The following TMEM272 variants were observed in gnomAD, a reference collection of about 807,000 sequenced individuals.
The protein encoded by TMEM272 is long intergenic non-protein coding RNA 282.
In TMEM272, 8 loss-of-function variants were observed where a neutral mutation model predicts 3.7. The ratio of observed to expected loss-of-function variants is 2.17; its 90% CI spans 1.27 to 3.91. The LOEUF (loss-of-function observed/expected upper bound fraction) is 3.91. Among genes scored for constraint, TMEM272 ranks in the 30% most tolerant of loss-of-function variants. The probability of loss-of-function intolerance (pLI) is 0.00; values close to 1 mark genes in which losing one functional copy is unlikely to be tolerated. For synonymous variants in TMEM272, 63 were observed against 39.8 expected, an observed-to-expected ratio of 1.58 and a Z score of -2.20; for missense variants, 166 against 91.5, an observed-to-expected ratio of 1.81 and a Z score of -3.32.
the TMEM272 span, among the ~76,000 whole-genome samples, chr13:51,903,111 C>G: frequency 6.6e-6 from 1 of 152,210 alleles, no homozygotes; most frequent in African/African-American, 2.4e-5. Flanking sequence ...TGTACACAAA[C>G]ACAATTGTGG....
chr13:51,926,979 A>C, the TMEM272 span, among the ~76,000 whole-genome samples: 1 of 152,134 alleles, frequency 6.6e-6, no homozygotes, highest in East Asian at 1.9e-4. Flanking sequence ...TTTAAGGGGA[A>C]AACAAAGCCC....
the TMEM272 span, among the ~76,000 whole-genome samples, chr13:51,912,071 G>T: frequency 1.2e-4 from 18 of 152,234 alleles, no homozygotes; most frequent in South Asian, 4.1e-4. Context: ...TAGCCTTGCA[G>T]GCTCTATCTC....
At chr13:51,830,450 T>C (rs1022453448) in intron 2 of TMEM272, among the ~76,000 whole-genome samples, 2 of 152,230 alleles carry the variant, frequency 1.3e-5, no homozygotes, top group African/African-American at 2.4e-5. Context: ...TGCAGGACTC[T>C]TAACCTCTGA....
intron 1 of TMEM272, among the ~76,000 whole-genome samples, chr13:51,840,632 C>T (rs1239249240): frequency 2.6e-5 from 4 of 152,192 alleles, no homozygotes; most frequent in Non-Finnish European, 5.9e-5. Context: ...TGCCTCCTGA[C>T]GCAGGCTCCC....
At chr13:51,861,008 T>A in the TMEM272 span, among the ~76,000 whole-genome samples, 1 of 152,016 alleles carries the variant, frequency 6.6e-6, no homozygotes, top group Non-Finnish European at 1.5e-5. Flanking sequence ...TATTATTCAG[T>A]CATAAACAGA....
the TMEM272 span, among the ~76,000 whole-genome samples, chr13:51,885,385 C>T: frequency 2.6e-5 from 4 of 152,158 alleles, no homozygotes; most frequent in Non-Finnish European, 5.9e-5. Context: ...GAAGGCACCT[C>T]TTCATAGGAC....
chr13:51,834,204 G>A (rs76434140), intron 2 of TMEM272, among the ~76,000 whole-genome samples: 2,120 of 152,288 alleles, frequency 0.014, 23 homozygotes, highest in Non-Finnish European at 0.02. Flanking sequence ...GAAGAGGGGC[G>A]CACTTTTCTT....
At chr13:51,875,819 T>C in the TMEM272 span, among the ~76,000 whole-genome samples, 1 of 152,154 alleles carries the variant, frequency 6.6e-6, no homozygotes, top group Non-Finnish European at 1.5e-5. Flanking sequence ...CATACCTTAC[T>C]GAAGGCCTCC....
chr13:51,818,109 G>A (rs745929307), intron 4 of TMEM272, among the ~76,000 whole-genome samples: 1 of 152,044 alleles, frequency 6.6e-6, no homozygotes, highest in Non-Finnish European at 1.5e-5. Context: ...CATCTCTCCC[G>A]AGGCCACACT....
chr13:51,840,415 C>T (rs1956251563), intron 1 of TMEM272, among the ~76,000 whole-genome samples: 1 of 152,228 alleles, frequency 6.6e-6, no homozygotes. Context: ...CAAGATCACA[C>T]AGCCAGATTG....
chr13:51,889,635 TG>T, the TMEM272 span, among the ~76,000 whole-genome samples: 41 of 142,370 alleles, frequency 2.9e-4, no homozygotes, highest in South Asian at 7.3e-3. Flanking sequence ...TGTGTGTGTG[TG>T]GGGGGGTTTT....
chr13:51,928,733 T>C, the TMEM272 span, among the ~76,000 whole-genome samples: 1 of 152,210 alleles, frequency 6.6e-6, no homozygotes, highest in African/African-American at 2.4e-5. Flanking sequence ...TTTTCTAAGC[T>C]ACCAGGGTAT....
the TMEM272 span, among the ~76,000 whole-genome samples, chr13:51,912,167 G>A: frequency 5.3e-5 from 8 of 152,224 alleles, no homozygotes; most frequent in African/African-American, 1.9e-4. Flanking sequence ...TGATCATTAT[G>A]TAAAGGTCCA....
the TMEM272 span, among the ~76,000 whole-genome samples, chr13:51,863,883 C>T: frequency 6.6e-6 from 1 of 152,172 alleles, no homozygotes; most frequent in Non-Finnish European, 1.5e-5. Context: ...AAATGGAAAA[C>T]AATGCTGTCA....
chr13:51,887,761 C>A, the TMEM272 span, among the ~76,000 whole-genome samples: 2 of 152,186 alleles, frequency 1.3e-5, no homozygotes, highest in Admixed American at 1.3e-4. Flanking sequence ...TCTGCCAACT[C>A]TTCTCAATCC....
the TMEM272 span, among the ~76,000 whole-genome samples, chr13:51,870,322 C>T: frequency 1.3e-5 from 2 of 152,006 alleles, no homozygotes; most frequent in African/African-American, 4.8e-5. Context: ...TAAAAATACA[C>T]ATAGAAAGGG....
the TMEM272 span, among the ~76,000 whole-genome samples, chr13:51,870,640 CT>C: frequency 6.6e-6 from 1 of 152,194 alleles, no homozygotes; most frequent in South Asian, 2.1e-4. Context: ...AGCAGAAAAG[CT>C]GAGGAATGAG....
At chr13:51,869,669 T>A in the TMEM272 span, among the ~76,000 whole-genome samples, 2 of 152,052 alleles carry the variant, frequency 1.3e-5, no homozygotes, top group African/African-American at 4.8e-5. Context: ...TTTGTATTTT[T>A]AGTAGAGACG....
the TMEM272 span, among the ~76,000 whole-genome samples, chr13:51,894,085 T>C: frequency 2.6e-5 from 4 of 152,218 alleles, no homozygotes; most frequent in African/African-American, 4.8e-5. Flanking sequence ...ACCCCCTGCA[T>C]TGAAGAACTG....
Sources: allele counts gnomAD v4.1 joint callset (sites outside exome capture counted in the v4.1 genomes callset), GRCh38; gene constraint gnomAD v4.1.1; transcripts MANE v1.5; gene names NCBI Gene and HGNC (gene_info 2026-07-23, HGNC 2026-07-21).